The following CLDN16 variants were observed in gnomAD, a reference collection of about 807,000 sequenced individuals.
CLDN16 encodes claudin 16.
Under a neutral mutation model 24.6 loss-of-function variants are expected in CLDN16, and 13 were observed. That is an observed-to-expected ratio of 0.53 (90% confidence interval 0.34 to 0.84). CLDN16 has a LOEUF of 0.84. CLDN16 is among the 40% of genes least tolerant of loss of function. The probability of loss-of-function intolerance (pLI) is 0.01; values close to 1 mark genes in which losing one functional copy is unlikely to be tolerated. For missense variants in CLDN16, 298 were observed against 292.7 expected, an observed-to-expected ratio of 1.02 and a Z score of -0.13; for synonymous variants, 116 against 106.7, an observed-to-expected ratio of 1.09 and a Z score of -0.54.
rs1577426976 is a variant in CLDN16, at chr3:190,398,089, A to G, written c.115-4248A>G. ...AAACTTGTATCACCTAGCTTGAGCT[A>G]AAGTGAACTGGATGCAGCGTGTTCC... is the stretch of plus-strand genomic sequence containing the variant. On this transcript the variant is annotated intron_variant, in intron 1 of 4. Transcript: ENST00000264734. Among the ~76,000 whole-genome samples the G allele has an allele frequency of 2.0e-5, 3 of 152,352 alleles. No homozygotes were observed. In the South Asian group the frequency reaches 6.2e-4, roughly 32 times the overall value.
intron 1 of CLDN16, among the ~76,000 whole-genome samples, chr3:190,343,809 G>A (rs1345165339): frequency 2.6e-5 from 4 of 152,170 alleles, no homozygotes; most frequent in East Asian, 1.9e-4. Flanking sequence ...GGTTATCAGA[G>A]TTCAGGTCTG....
intron 3 of CLDN16, chr3:190,374,679 T>C (rs556177681): frequency 6.6e-6 from 1 of 151,978 alleles, no homozygotes; most frequent in Non-Finnish European, 1.5e-5. Context: ...ATATCATTTA[T>C]CAATCTTACT....
At chr3:190,382,284 G>T (rs979186195) in intron 3 of CLDN16, among the ~76,000 whole-genome samples, 1 of 152,048 alleles carries the variant, frequency 6.6e-6, no homozygotes, top group Non-Finnish European at 1.5e-5. Flanking sequence ...TGAACATCTT[G>T]TTTTTCCAGG....
chr3:190,362,897 A>G (rs11921539), intron 1 of CLDN16, among the ~76,000 whole-genome samples: 133,604 of 151,882 alleles, frequency 0.88, 58,785 homozygotes, highest in East Asian at 0.94. Context: ...GGGCTCTTTT[A>G]AGATGCTCAC....
At chr3:190,389,465 G>A (rs1442939025) in intron 1 of CLDN16, among the ~76,000 whole-genome samples, 1 of 152,096 alleles carries the variant, frequency 6.6e-6, no homozygotes, top group African/African-American at 2.4e-5. Context: ...CTCTCAAATT[G>A]GAGTTCCAAA....
At chr3:190,403,082 C>A in intron 2 of CLDN16, among the ~76,000 whole-genome samples, 1 of 152,128 alleles carries the variant, frequency 6.6e-6, no homozygotes, top group East Asian at 1.9e-4. Context: ...AATCCTAGCA[C>A]TTTGGGAGGC....
the CLDN16 span, chr3:190,310,338 G>T: frequency 9.7e-7 from 1 of 1,032,406 alleles, no homozygotes; most frequent in South Asian, 1.3e-5. Context: ...AACATATTTT[G>T]CAAGAATTAA....
intron 1 of CLDN16, among the ~76,000 whole-genome samples, chr3:190,324,956 G>T (rs1343176968): frequency 6.6e-6 from 1 of 152,202 alleles, no homozygotes; most frequent in African/African-American, 2.4e-5. Flanking sequence ...TATGGTAAGT[G>T]TCCTAGCCTG....
chr3:190,373,843 T>A (rs1718191558), intron 2 of CLDN16, among the ~76,000 whole-genome samples: 1 of 149,388 alleles, frequency 6.7e-6, no homozygotes. Context: ...GTGCCCATAT[T>A]AAAAAAAAAA....
the CLDN16 span, among the ~76,000 whole-genome samples, chr3:190,297,259 A>C: frequency 9.5e-4 from 145 of 151,892 alleles, 1 homozygote; most frequent in African/African-American, 3.2e-3. Flanking sequence ...AAGTCACATC[A>C]ACAGAAAATG....
At chr3:190,310,330 C>T in the CLDN16 span, 1 of 1,100,562 alleles carries the variant, frequency 9.1e-7, no homozygotes, top group Non-Finnish European at 1.4e-6. Context: ...TAAACCAAAA[C>T]ATATTTTGCA....
chr3:190,313,139 C>T, the CLDN16 span: 1 of 1,358,344 alleles, frequency 7.4e-7, no homozygotes, highest in South Asian at 1.2e-5. Flanking sequence ...AGAGAGAAAA[C>T]TGGACTAGGA....
the CLDN16 span, among the ~76,000 whole-genome samples, chr3:190,309,297 G>T: frequency 1.3e-5 from 2 of 152,138 alleles, no homozygotes; most frequent in African/African-American, 4.8e-5. Context: ...CGAAATTTTA[G>T]CCTACTGACC....
chr3:190,342,188 C>T (rs1717452725), intron 1 of CLDN16, among the ~76,000 whole-genome samples: 1 of 152,188 alleles, frequency 6.6e-6, no homozygotes, highest in East Asian at 1.9e-4. Context: ...GCACCCCACT[C>T]TGCTGGTACC....
At chr3:190,379,267 T>G (rs1718309689) in intron 3 of CLDN16, among the ~76,000 whole-genome samples, 1 of 152,102 alleles carries the variant, frequency 6.6e-6, no homozygotes, top group Admixed American at 6.6e-5. Context: ...GATTAGCCTC[T>G]TGAATGTAAA....
the CLDN16 span, among the ~76,000 whole-genome samples, chr3:190,316,544 G>C: frequency 6.6e-6 from 1 of 152,184 alleles, no homozygotes; most frequent in African/African-American, 2.4e-5. Context: ...AGTGTTTTAT[G>C]TGCAGATCAA....
At chr3:190,365,581 C>G (rs1251340093) in intron 1 of CLDN16, among the ~76,000 whole-genome samples, 1 of 149,372 alleles carries the variant, frequency 6.7e-6, no homozygotes, top group Non-Finnish European at 1.5e-5. Context: ...AGCCTCACAA[C>G]TCTAATACTA....
At chr3:190,409,851 A>G in intron 4 of CLDN16, 52 bp from the exon 5 acceptor site, 1 of 1,559,618 alleles carries the variant, frequency 6.4e-7, no homozygotes, top group Non-Finnish European at 8.8e-7. Context: ...GGTATTTTAT[A>G]ATTTTCCCAA....
chr3:190,389,699 A>T (rs1718601159), intron 1 of CLDN16, among the ~76,000 whole-genome samples: 1 of 152,202 alleles, frequency 6.6e-6, no homozygotes, highest in Admixed American at 6.6e-5. Flanking sequence ...TCTGGCCATG[A>T]ATATATGCAA....
Sources: gnomAD v4.1 joint callset for allele counts (sites outside exome capture counted in the v4.1 genomes callset) on GRCh38, gnomAD v4.1.1 for gene constraint, MANE v1.5 for transcripts, NCBI Gene and HGNC (gene_info 2026-07-23, HGNC 2026-07-21) for gene names.